The following CSMD2 variants were observed in gnomAD, a reference collection of about 807,000 sequenced individuals.
The protein encoded by CSMD2 is CUB and Sushi multiple domains 2.
A neutral mutation model predicts 398.5 loss-of-function variants in CSMD2; 130 were observed. The observed-to-expected ratio is 0.33, with a 90% confidence interval of 0.28 to 0.38. CSMD2 has a LOEUF of 0.38. Ranked by LOEUF, CSMD2 falls within the 10% of genes least tolerant of loss-of-function variation. The pLI, the probability that CSMD2 is intolerant of heterozygous loss-of-function variation, is 1.00. For synonymous variants in CSMD2, 1,828 were observed against 1,908.5 expected, an observed-to-expected ratio of 0.96 and a Z score of 1.10; for missense variants, 3,829 against 4,764.9, an observed-to-expected ratio of 0.80 and a Z score of 5.78.
chr1:34,117,354 C>T (rs1399345755), intron 1 of CSMD2, among the ~76,000 whole-genome samples: 3 of 151,754 alleles, frequency 2.0e-5, no homozygotes, highest in Non-Finnish European at 4.4e-5. Flanking sequence ...ATTGGATAAC[C>T]TAGAAGAAAT....
chr1:33,860,675 G>T (rs1416264708), intron 5 of CSMD2: 1 of 152,178 alleles, frequency 6.6e-6, no homozygotes. Context: ...GTTGTAATGA[G>T]CTAGACTTGC....
intron 9 of CSMD2, among the ~76,000 whole-genome samples, chr1:33,817,286 G>A (rs1224692194): frequency 6.6e-6 from 1 of 152,130 alleles, no homozygotes; most frequent in Non-Finnish European, 1.5e-5. Flanking sequence ...GGAGAAAAAA[G>A]AGAGAAGAAG....
chr1:33,962,680 T>C (rs1266286511), intron 3 of CSMD2, among the ~76,000 whole-genome samples: 3 of 152,136 alleles, frequency 2.0e-5, no homozygotes, highest in African/African-American at 7.2e-5. Context: ...CTCTGGACCT[T>C]TGTACTTGCA....
rs1437416948 is a variant in CSMD2, at chr1:33,624,576, G to A, written c.5568C>T (p.Tyr1856=). 1.9e-6 allele frequency: 3 copies of A among 1,614,016 alleles called. No individual in the cohort carries two copies. The highest frequency in any genetic ancestry group is 2.5e-6 in the Non-Finnish European group (3 of 1,179,952). The change falls in exon 35 of 71, where the codon TAC becomes TAT. Residue 1856 remains tyrosine (Y), a synonymous_variant. Coordinates refer to ENST00000373381, the MANE Select transcript of CSMD2 (RefSeq NM_001281956.2). This position sits in a 1 kb window ranked among gnomAD's most constrained non-coding sequence, Gnocchi z 4.7. ...TCCACACACAGTTGAGGCTGTTGAG[G>A]TACGGCTCTGGGAAGCCAGGGGACA... ...TILSPGFPEP[Y]LNSLNCVWKI...
rs760308946 is a variant in CSMD2 at position 33,541,312 on chromosome 1, A to G, written c.9278-3T>C. On this transcript the variant is annotated splice_region_variant and splice_polypyrimidine_tract_variant and intron_variant, in intron 58 of 70. Transcript: ENST00000373381. ...CCCAGGGTCACCACAGTTTATGACT[A>G]GGATAAGAGAGATATAGCATTGTTC... is the stretch of plus-strand genomic sequence containing the variant. 1.2e-6 allele frequency: 2 copies of G among 1,613,090 alleles called. No individual in the cohort carries two copies. Among genetic ancestry groups the G allele is most frequent in the Middle Eastern group, 3.3e-4 (2 of 6,058 alleles).
At chr1:33,900,897 G>A (rs1299089003) in intron 5 of CSMD2, among the ~76,000 whole-genome samples, 1 of 152,180 alleles carries the variant, frequency 6.6e-6, no homozygotes, top group Admixed American at 6.5e-5. Flanking sequence ...GGTATATTAA[G>A]GCAGGAGGAA....
At chr1:34,008,365 C>T (rs1037064438) in intron 3 of CSMD2, among the ~76,000 whole-genome samples, 1 of 152,198 alleles carries the variant, frequency 6.6e-6, no homozygotes, top group Non-Finnish European at 1.5e-5. Context: ...ACTTTAACAT[C>T]GGGTTTTCCA....
chr1:34,047,133 G>A (rs970853278), intron 2 of CSMD2, among the ~76,000 whole-genome samples: 1 of 152,024 alleles, frequency 6.6e-6, no homozygotes, highest in Non-Finnish European at 1.5e-5. Flanking sequence ...AAAGGCCCTA[G>A]GGAATCCTCT....
At chr1:34,074,246 G>A (rs1656063517) in intron 2 of CSMD2, among the ~76,000 whole-genome samples, 1 of 152,228 alleles carries the variant, frequency 6.6e-6, no homozygotes, top group African/African-American at 2.4e-5. Flanking sequence ...TCTGCAAAGA[G>A]AATTAATACT....
At chr1:33,982,976 G>C (rs890748262) in intron 3 of CSMD2, among the ~76,000 whole-genome samples, 2 of 152,188 alleles carry the variant, frequency 1.3e-5, no homozygotes, top group Non-Finnish European at 2.9e-5. Context: ...AGTGAGATGA[G>C]GAGGGCAACA....
chr1:33,602,793 C>T (rs1306875746), intron 42 of CSMD2, among the ~76,000 whole-genome samples: 1 of 152,224 alleles, frequency 6.6e-6, no homozygotes, highest in African/African-American at 2.4e-5. Context: ...CTCAGCCTCC[C>T]TCTTTCTCTT....
intron 64 of CSMD2, among the ~76,000 whole-genome samples, chr1:33,530,859 C>A (rs538126623): frequency 5.9e-5 from 9 of 152,168 alleles, no homozygotes; most frequent in Non-Finnish European, 1.2e-4. Flanking sequence ...ACAAATACTG[C>A]ACAATCTCAC....
intron 2 of CSMD2, among the ~76,000 whole-genome samples, chr1:34,037,659 ACT>A (rs1558284040): frequency 1.3e-5 from 2 of 152,084 alleles, no homozygotes; most frequent in Non-Finnish European, 2.9e-5. Context: ...CTTCCCAGAC[ACT>A]CAGCCTAGGG....
intron 3 of CSMD2, among the ~76,000 whole-genome samples, chr1:33,940,558 A>G (rs1644635032): frequency 6.7e-6 from 1 of 149,874 alleles, no homozygotes; most frequent in South Asian, 2.1e-4. Flanking sequence ...TTTACAGGTG[A>G]AAAAAAAACA....
intron 32 of CSMD2, among the ~76,000 whole-genome samples, chr1:33,629,766 G>A (rs1462997936): frequency 2.0e-5 from 3 of 150,772 alleles, no homozygotes; most frequent in Admixed American, 1.3e-4. Context: ...CTTTTGAGAC[G>A]GAGTCTCTCT....
intron 21 of CSMD2, among the ~76,000 whole-genome samples, chr1:33,712,853 G>C (rs148934986): frequency 1.3e-5 from 2 of 152,304 alleles, no homozygotes; most frequent in African/African-American, 4.8e-5. Context: ...AGGGTGGGTG[G>C]ATGCCTTTGG....
chr1:33,578,522 G>C (rs1638457509), intron 48 of CSMD2, among the ~76,000 whole-genome samples: 1 of 152,214 alleles, frequency 6.6e-6, no homozygotes, highest in African/African-American at 2.4e-5. Context: ...AGGCTGCAGG[G>C]AGATGAGCTC....
intron 10 of CSMD2, among the ~76,000 whole-genome samples, chr1:33,800,173 G>T (rs1485308556): frequency 1.3e-5 from 2 of 152,202 alleles, no homozygotes; most frequent in Admixed American, 1.3e-4. Context: ...TGCTGCCAGT[G>T]TAACTATTAG....
chr1:33,900,878 A>C (rs1642709888), intron 5 of CSMD2, among the ~76,000 whole-genome samples: 1 of 152,218 alleles, frequency 6.6e-6, no homozygotes, highest in South Asian at 2.1e-4. Flanking sequence ...AAGTGATTAT[A>C]CTGTTGAAGG....
Sources: allele counts gnomAD v4.1 joint callset (sites outside exome capture counted in the v4.1 genomes callset), GRCh38; gene constraint gnomAD v4.1.1; non-coding constraint Gnocchi (gnomAD v3.1); transcripts MANE v1.5; gene names NCBI Gene and HGNC (gene_info 2026-07-23, HGNC 2026-07-21).